RAB11FIP4: variants seen among roughly 807,000 people sequenced by gnomAD.
RAB11FIP4 encodes RAB11 family interacting protein 4, also known as rab11 family-interacting protein 4.
A neutral mutation model predicts 74.3 loss-of-function variants in RAB11FIP4; 23 were observed. The observed-to-expected ratio is 0.31, with a 90% CI of 0.22 to 0.44. The LOEUF is 0.44. Among genes scored for constraint, RAB11FIP4 ranks in the 20% least tolerant of loss-of-function variants. The pLI, the probability that RAB11FIP4 is intolerant of heterozygous loss-of-function variation, is 1.00. For synonymous variants in RAB11FIP4, 360 were observed against 359.9 expected (o/e 1.00, Z 0.00); for missense variants, 630 against 863.9 (o/e 0.73, Z 3.39).
chr17:31,441,518 T>TTTTA (rs35484019), intron 3 of RAB11FIP4, among the ~76,000 whole-genome samples: 28,032 of 150,898 alleles, frequency 0.19, 2,888 homozygotes, highest in East Asian at 0.31. Context: ...ACTCTCCTTA[T>TTTTA]TTTATTTATT....
chr17:31,423,485 A>G (rs1057280174), intron 1 of RAB11FIP4, among the ~76,000 whole-genome samples: 10 of 152,172 alleles, frequency 6.6e-5, no homozygotes, highest in African/African-American at 2.4e-4. Context: ...CTCTTACCTT[A>G]GCTTCCTAAA....
intron 4 of RAB11FIP4, chr17:31,518,428 A>T (rs1195714430): frequency 6.6e-6 from 1 of 150,968 alleles, no homozygotes; most frequent in Non-Finnish European, 1.5e-5. Flanking sequence ...AAACACAAAC[A>T]TATGCCAGGC....
At chr17:31,465,278 G>T (rs768524908) in intron 3 of RAB11FIP4, among the ~76,000 whole-genome samples, 58 of 152,232 alleles carry the variant, frequency 3.8e-4, no homozygotes, top group Middle Eastern at 3.4e-3. Context: ...CTCAACCAGT[G>T]TGTCCATGTT....
rs938183610 is a variant in RAB11FIP4 at position 31,531,854 on chromosome 17, G to A, written c.*122G>A. 51 of 705,780 alleles carry A rather than the reference G, an allele frequency of 7.2e-5. 2 individuals are homozygous for A. Among genetic ancestry groups the A allele is most frequent in the East Asian group, 4.7e-4 (19 of 40,442 alleles). 43.7% of individuals were successfully genotyped at this position (705,780 alleles called of 1,614,324 possible). A position where few individuals can be genotyped will look rare whatever the true frequency, so the allele number is the denominator to read the frequency against. On this transcript the variant is annotated 3_prime_UTR_variant, in exon 15 of 15. Coordinates refer to ENST00000621161, the MANE Select transcript of RAB11FIP4 (RefSeq NM_032932.6). ...GTAAATGTCTCTCTGGCCACCATGC[G>A]TTACGTGTACCCGTGTATATGTGGG...
chr17:31,398,364 G>C (rs1323262882), intron 1 of RAB11FIP4, among the ~76,000 whole-genome samples: 1 of 152,168 alleles, frequency 6.6e-6, no homozygotes, highest in African/African-American at 2.4e-5. Context: ...GACGAAGCCT[G>C]AATCCATTTG....
In RAB11FIP4 at chr17:31,450,041, G is replaced by A. The variant is rs142331581; in HGVS notation, c.336+15919G>A. On this transcript the variant is annotated intron_variant, in intron 3 of 14. Coordinates refer to ENST00000621161, the MANE Select transcript of RAB11FIP4 (RefSeq NM_032932.6). ...TAGTCTCCTAGCTACTGAAAACTCT[G>A]TATTATTGTTAATGATAGTCATCTT... Among the ~76,000 whole-genome samples, 776 of 152,248 alleles carry A rather than the reference G, an allele frequency of 5.1e-3. 4 individuals carry two copies. Among genetic ancestry groups the A allele is most frequent in the Non-Finnish European group, 8.1e-3 (550 of 68,026 alleles).
chr17:31,494,044 G>C (rs984422390), intron 3 of RAB11FIP4, among the ~76,000 whole-genome samples: 1 of 152,162 alleles, frequency 6.6e-6, no homozygotes, highest in African/African-American at 2.4e-5. Context: ...AATAGCACCT[G>C]CCTCGCAGGG....
At chr17:31,453,814 GAAAGA>G (rs1168416164) in intron 3 of RAB11FIP4, among the ~76,000 whole-genome samples, 3 of 136,322 alleles carry the variant, frequency 2.2e-5, no homozygotes, top group African/African-American at 8.4e-5. Context: ...AAAAAAAAAA[GAAAGA>G]AAAGAAAAGA....
chr17:31,492,063 CT>C (rs2072019461), intron 3 of RAB11FIP4, among the ~76,000 whole-genome samples: 1 of 152,334 alleles, frequency 6.6e-6, no homozygotes, highest in East Asian at 1.9e-4. Context: ...GGGTCAGCTC[CT>C]GTCGGGTAGG....
chr17:31,457,722 C>G (rs2071592479), intron 3 of RAB11FIP4, among the ~76,000 whole-genome samples: 1 of 151,920 alleles, frequency 6.6e-6, no homozygotes, highest in Admixed American at 6.6e-5. Flanking sequence ...TGGCCACACC[C>G]CTCCTGCTGC....
chr17:31,514,656 C>T (rs764796856), intron 3 of RAB11FIP4, among the ~76,000 whole-genome samples: 36 of 152,198 alleles, frequency 2.4e-4, no homozygotes, highest in Non-Finnish European at 1.6e-4. Context: ...TCTCGCTACC[C>T]GTGTGGCCAG....
chr17:31,502,205 C>T lies in RAB11FIP4; in HGVS notation c.337-15446C>T, dbSNP rs557375520. Reference sequence around the variant, plus strand: ...TGCCATCGCACTCTGGCCTGGTTGACAGAGCGATACCTTGTCTCAAAAAAA... The same window carrying T: ...TGCCATCGCACTCTGGCCTGGTTGATAGAGCGATACCTTGTCTCAAAAAAA... On this transcript the variant is annotated intron_variant, in intron 3 of 14. Coordinates refer to ENST00000621161, the MANE Select transcript of RAB11FIP4 (RefSeq NM_032932.6). Among the ~76,000 whole-genome samples the T allele has an allele frequency of 1.9e-3, 290 of 148,852 alleles. 1 individual carries two copies. The highest frequency in any genetic ancestry group is 1.1e-3 in the Non-Finnish European group (71 of 67,480).
At position 31,523,871 on chromosome 17, in the gene RAB11FIP4, C is replaced by A. The variant is rs755465127; in HGVS notation, c.1030-22C>A. The A allele has an allele frequency of 3.2e-6, 5 of 1,578,412 alleles. No homozygotes were observed. In the South Asian group the frequency reaches 3.4e-5, roughly 11 times the overall value. Reference sequence around the variant, plus strand: ...TGTGGCCTCAGAGGTCTTCTCCACCCCACCCCGGCCCCCTGCTGCAGGTAA... The same window carrying A: ...TGTGGCCTCAGAGGTCTTCTCCACCACACCCCGGCCCCCTGCTGCAGGTAA... On this transcript the variant is annotated intron_variant, in intron 8 of 14. Coordinates refer to ENST00000621161, the MANE Select transcript of RAB11FIP4 (RefSeq NM_032932.6).
At chr17:31,403,919 C>A (rs746686053) in intron 1 of RAB11FIP4, among the ~76,000 whole-genome samples, 1 of 152,092 alleles carries the variant, frequency 6.6e-6, no homozygotes, top group Admixed American at 6.6e-5. Flanking sequence ...TTGGGAAATG[C>A]GCAGATCAGA....
intron 1 of RAB11FIP4, among the ~76,000 whole-genome samples, chr17:31,422,371 T>G (rs1444580887): frequency 6.6e-6 from 1 of 152,180 alleles, no homozygotes; most frequent in East Asian, 1.9e-4. Flanking sequence ...CCTTGTTGAT[T>G]TTTCATCTAA....
chr17:31,523,116 A>G (rs1291856351), intron 7 of RAB11FIP4: 1 of 263,812 alleles, frequency 3.8e-6, no homozygotes, highest in Non-Finnish European at 7.6e-6. Context: ...CTCAAGCCTC[A>G]GGAGGCCCAG....
intron 3 of RAB11FIP4, among the ~76,000 whole-genome samples, chr17:31,463,510 G>T (rs1181849255): frequency 6.6e-6 from 1 of 152,052 alleles, no homozygotes; most frequent in African/African-American, 2.4e-5. Context: ...CACACAGCAA[G>T]AGCACCCAGA....
intron 1 of RAB11FIP4, among the ~76,000 whole-genome samples, chr17:31,408,672 T>C (rs1249459120): frequency 2.0e-5 from 3 of 152,228 alleles, no homozygotes; most frequent in South Asian, 4.1e-4. Flanking sequence ...GTTCAATTAC[T>C]TTTTCTTCTG....
At chr17:31,522,137 C>CCAGA in intron 6 of RAB11FIP4, 88 bp downstream of exon 6, 1 of 1,552,082 alleles carries the variant, frequency 6.4e-7, no homozygotes, top group South Asian at 1.1e-5. Context: ...CGAGGCGACC[C>CCAGA]CTGCTGTCTG....
Sources: allele counts gnomAD v4.1 joint callset (sites outside exome capture counted in the v4.1 genomes callset), GRCh38; gene constraint gnomAD v4.1.1; transcripts MANE v1.5; gene names NCBI Gene and HGNC (gene_info 2026-07-23, HGNC 2026-07-21).